Variants in CSNK1G1 observed in about 807,000 individuals in gnomAD.
The protein encoded by CSNK1G1 is casein kinase I isoform gamma-1.
A neutral mutation model predicts 59.6 loss-of-function variants in CSNK1G1; 22 were observed. That is an observed-to-expected ratio of 0.37 (90% CI 0.26 to 0.53). The LOEUF (loss-of-function observed/expected upper bound fraction) is 0.53, where lower values mean the gene tolerates loss of function less well. Ranked by LOEUF, CSNK1G1 falls within the 20% of genes least tolerant of loss-of-function variation. The probability of loss-of-function intolerance (pLI) is 0.89; values close to 1 mark genes in which losing one functional copy is unlikely to be tolerated. For synonymous variants in CSNK1G1, 179 were observed against 177.1 expected (o/e 1.01, Z -0.08); for missense variants, 384 against 519.5 (o/e 0.74, Z 2.54).
intron 1 of CSNK1G1, among the ~76,000 whole-genome samples, chr15:64,333,545 T>C (rs1228305877): frequency 6.6e-6 from 1 of 150,844 alleles, no homozygotes; most frequent in African/African-American, 2.4e-5. Context: ...ACAAAGTGTC[T>C]AGGTAACAAT....
intron 7 of CSNK1G1, among the ~76,000 whole-genome samples, chr15:64,206,158 T>C (rs1043096295): frequency 6.6e-6 from 1 of 151,894 alleles, no homozygotes; most frequent in Admixed American, 6.6e-5. Flanking sequence ...ATACAAAAAA[T>C]TGGCTGGGTG....
intron 2 of CSNK1G1, among the ~76,000 whole-genome samples, chr15:64,293,600 A>T (rs1231778800): frequency 6.6e-6 from 1 of 152,246 alleles, no homozygotes; most frequent in Non-Finnish European, 1.5e-5. Flanking sequence ...GATGTAGTCT[A>T]AGAAATTAAA....
intron 1 of CSNK1G1, among the ~76,000 whole-genome samples, chr15:64,340,120 C>T (rs1897609211): frequency 6.6e-6 from 1 of 152,074 alleles, no homozygotes. Context: ...GCACTGTCAT[C>T]GAAGGTTTGG....
rs2081740807 is a variant in CSNK1G1, at chr15:64,176,330, A to G, written c.1214+4018T>C. 1 of 398,590 alleles carries G rather than the reference A, an allele frequency of 2.5e-6. No homozygotes were observed. The highest frequency in any genetic ancestry group is 4.4e-6 in the Non-Finnish European group (1 of 226,048). The allele number at this position is 398,590 out of a possible 1,614,324, so 24.7% of individuals were successfully genotyped here. On this transcript the variant is annotated intron_variant, in intron 11 of 11. Transcript: ENST00000303052. This position sits in a 1 kb window ranked among gnomAD's most constrained non-coding sequence, Gnocchi z 5.2. ...AAAAACACAGAAAGGAAGAGAGAGAAAGAGAGAGATATTAGTCCACAGAGG... is the reference window on the plus strand; with the variant it reads ...AAAAACACAGAAAGGAAGAGAGAGAGAGAGAGAGATATTAGTCCACAGAGG...
At chr15:64,275,509 A>C (rs1893558832) in intron 2 of CSNK1G1, among the ~76,000 whole-genome samples, 1 of 152,210 alleles carries the variant, frequency 6.6e-6, no homozygotes, top group South Asian at 2.1e-4. Flanking sequence ...AGGCAAGAAT[A>C]ATTTTTTCTT....
In CSNK1G1 at chr15:64,193,910, T is replaced by C. The variant is rs140791003; in HGVS notation, c.1107+9172A>G. 2.0e-5 allele frequency: 3 copies of C among 152,346 alleles called. No individual in the cohort carries two copies. In the East Asian group the frequency reaches 5.8e-4, roughly 29 times the overall value. 9.4% of individuals were successfully genotyped at this position (152,346 alleles called of 1,614,324 possible). ...ACAAGGAGCTGGGTTAGAACACAGG[T>C]GTCTGCTGAAATACAAAACACTTAA... On this transcript the variant is annotated intron_variant, in intron 10 of 11. Transcript: ENST00000303052.
intron 3 of CSNK1G1, among the ~76,000 whole-genome samples, chr15:64,254,575 C>A (rs1892270873): frequency 6.6e-6 from 1 of 152,096 alleles, no homozygotes; most frequent in African/African-American, 2.4e-5. Context: ...TGGTACCAAA[C>A]CCCTGACCTC....
Position 64,166,016 on chromosome 15 carries a change from C to A in CSNK1G1, c.*5915G>T, listed in dbSNP as rs2081598709. ...AAATTGACATTCATGTTTAAAAATA[C>A]TACAAATTTCATTTTCACAGCTGAG... is the stretch of plus-strand genomic sequence containing the variant. On this transcript the variant is annotated 3_prime_UTR_variant, in exon 12 of 12. Coordinates refer to ENST00000303052, the MANE Select transcript of CSNK1G1 (RefSeq NM_022048.5). This position sits in a 1 kb window ranked among gnomAD's most constrained non-coding sequence, Gnocchi z 4.5. 2.9e-6 allele frequency: 2 copies of A among 681,572 alleles called. No homozygotes were observed. Among genetic ancestry groups the A allele is most frequent in the Non-Finnish European group, 5.3e-6 (2 of 376,486 alleles). 42.2% of individuals were successfully genotyped at this position (681,572 alleles called of 1,614,324 possible).
chr15:64,224,758 G>C (rs558977154), intron 4 of CSNK1G1, among the ~76,000 whole-genome samples: 3 of 152,242 alleles, frequency 2.0e-5, no homozygotes, highest in African/African-American at 7.2e-5. Flanking sequence ...CTGCTAACAC[G>C]AGCTCAAATT....
intron 4 of CSNK1G1, among the ~76,000 whole-genome samples, chr15:64,232,846 A>C (rs1364998508): frequency 6.6e-6 from 1 of 152,206 alleles, no homozygotes; most frequent in African/African-American, 2.4e-5. Flanking sequence ...AATACGAGTA[A>C]AGACCAAAAA....
At chr15:64,346,886 T>C (rs763484478) in intron 1 of CSNK1G1, among the ~76,000 whole-genome samples, 1 of 152,132 alleles carries the variant, frequency 6.6e-6, no homozygotes, top group African/African-American at 2.4e-5. Flanking sequence ...AGCCATAGAC[T>C]GGAAAAAATA....
intron 1 of CSNK1G1, among the ~76,000 whole-genome samples, chr15:64,317,666 T>G (rs576387709): frequency 6.6e-6 from 1 of 152,282 alleles, no homozygotes; most frequent in South Asian, 2.1e-4. Flanking sequence ...CCACCTAATT[T>G]TTAAATTCTT....
intron 10 of CSNK1G1, among the ~76,000 whole-genome samples, chr15:64,182,134 GC>G (rs1189605168): frequency 1.4e-5 from 2 of 143,314 alleles, no homozygotes; most frequent in African/African-American, 5.4e-5. Context: ...CATGATCTCG[GC>G]TCACTGCAAC....
intron 4 of CSNK1G1, among the ~76,000 whole-genome samples, chr15:64,235,870 G>A (rs1352206429): frequency 6.6e-6 from 1 of 152,090 alleles, no homozygotes; most frequent in Non-Finnish European, 1.5e-5. Context: ...ACACTAGACG[G>A]TTAAGGGAAG....
At chr15:64,313,018 GTCATT>G (rs1055761667) in intron 1 of CSNK1G1, among the ~76,000 whole-genome samples, 2 of 152,090 alleles carry the variant, frequency 1.3e-5, no homozygotes, top group Admixed American at 1.3e-4. Context: ...CATCATCACT[GTCATT>G]AGAGAAATGC....
intron 11 of CSNK1G1, among the ~76,000 whole-genome samples, chr15:64,173,820 G>T (rs1165988922): frequency 1.3e-5 from 2 of 151,806 alleles, no homozygotes; most frequent in Non-Finnish European, 2.9e-5. Context: ...CACCATGTTG[G>T]CCGGGCTGGT....
At chr15:64,355,825 GC>G (rs1898635691) in intron 1 of CSNK1G1, among the ~76,000 whole-genome samples, 162 bp downstream of exon 1, 1 of 150,666 alleles carries the variant, frequency 6.6e-6, no homozygotes, top group African/African-American at 2.4e-5. Flanking sequence ...CCTCCATTCC[GC>G]CCCCGCAACC....
chr15:64,172,079 C>A, intron 11 of CSNK1G1, 94 bp from the exon 12 acceptor site: 1 of 1,113,882 alleles, frequency 9.0e-7, no homozygotes, highest in South Asian at 1.2e-5. Flanking sequence ...GTGGAATTTT[C>A]CCCCTAGCAC....
chr15:64,201,271 C>CAAAAAAAAAAAAAAA, intron 10 of CSNK1G1, among the ~76,000 whole-genome samples: 1 of 64,972 alleles, frequency 1.5e-5, no homozygotes, highest in Non-Finnish European at 3.4e-5. Context: ...GACACTGTCT[C>CAAAAAAAAAAAAAAA]AAAAAAAAAA....
Sources: gnomAD v4.1 joint callset for allele counts (sites outside exome capture counted in the v4.1 genomes callset) on GRCh38, gnomAD v4.1.1 for gene constraint, Gnocchi (gnomAD v3.1) non-coding constraint, MANE v1.5 for transcripts, NCBI Gene and HGNC (gene_info 2026-07-23, HGNC 2026-07-21) for gene names.